The following TMC2 variants were observed in gnomAD, a reference collection of about 807,000 sequenced individuals.
TMC2 encodes the protein transmembrane channel-like protein 2.
A neutral mutation model predicts 105.9 loss-of-function variants in TMC2; 102 were observed. The ratio of observed to expected loss-of-function variants is 0.96; its 90% confidence interval spans 0.82 to 1.14. The LOEUF (loss-of-function observed/expected upper bound fraction) is 1.14, where lower values mean the gene tolerates loss of function less well. TMC2 is among the 50% of genes most tolerant of loss of function. The pLI, the probability that TMC2 is intolerant of heterozygous loss-of-function variation, is 0.00. For synonymous variants in TMC2, 402 were observed against 422.8 expected (o/e 0.95, Z 0.60); for missense variants, 1,093 against 1,134.3 (o/e 0.96, Z 0.52).
rs1301594802 is a variant in TMC2 at position 2,584,277 on chromosome 20, T to C, written c.834+4221T>C. Among the ~76,000 whole-genome samples, 6 of 150,172 alleles carry C rather than the reference T, an allele frequency of 4.0e-5. No individual in the cohort carries two copies. The East Asian group carries it at 5.8e-4, about 15-fold the overall frequency. ...GGCTAACACGGTGAAACCCCGTCTC[T>C]ACTAAAAATACAAAAAATTAGCCGG... On this transcript the variant is annotated intron_variant, in intron 7 of 19. Transcript: ENST00000358864.
chr20:2,572,338 C>G (rs11906107), intron 5 of TMC2, 69 bp downstream of exon 5: 2 of 1,248,542 alleles, frequency 1.6e-6, no homozygotes, highest in Admixed American at 3.6e-5. Context: ...CGACCAACTT[C>G]GGCAACTGCC....
intron 4 of TMC2, among the ~76,000 whole-genome samples, chr20:2,565,573 A>G (rs961278927): frequency 1.3e-5 from 2 of 152,206 alleles, no homozygotes; most frequent in Admixed American, 6.5e-5. Flanking sequence ...GACATTCGAG[A>G]ACGCAACCCC....
At chr20:2,619,723 C>A (rs574858751) in intron 16 of TMC2, among the ~76,000 whole-genome samples, 9 of 152,230 alleles carry the variant, frequency 5.9e-5, no homozygotes, top group Non-Finnish European at 1.3e-4. Flanking sequence ...TTTAGCCAGG[C>A]TGAAAGGAGA....
At chr20:2,573,908 T>A (rs2086123686) in intron 5 of TMC2, among the ~76,000 whole-genome samples, 1 of 152,240 alleles carries the variant, frequency 6.6e-6, no homozygotes, top group Admixed American at 6.5e-5. Flanking sequence ...TTCATAAAGA[T>A]GTTTTTGTTG....
chr20:2,590,747 C>T (rs552818038), intron 7 of TMC2, among the ~76,000 whole-genome samples: 2 of 151,906 alleles, frequency 1.3e-5, no homozygotes, highest in African/African-American at 4.8e-5. Context: ...GATTGTAAAC[C>T]CCCCAAAAAC....
In TMC2 at chr20:2,602,131, C is replaced by A. The variant is rs1364939198; in HGVS notation, c.1243C>A (p.Gln415Lys). 1 of 1,610,614 alleles carries A rather than the reference C, an allele frequency of 6.2e-7. No individual in the cohort carries two copies. The highest frequency in any genetic ancestry group is 8.5e-7 in the Non-Finnish European group (1 of 1,178,556). Residue 415 changes from glutamine to lysine, a missense_variant, in exon 11 of 20, where the codon CAA (glutamine) becomes AAA (lysine). Physicochemically the swap from Gln to Lys is moderately conservative, Grantham distance 53. Transcript: ENST00000358864. ...CATTAAGGAATCAATAGTGGATGAA[C>A]AAGAGAGTAACAAAGAAGAAAATAT... is the stretch of plus-strand genomic sequence containing the variant. ...TSFKESIVDE[Q>K]ESNKEENIHL...
rs2146211046 is a variant in TMC2, at chr20:2,592,699, C to T, written c.933+291C>T. Among the ~76,000 whole-genome samples the T allele has an allele frequency of 6.6e-6, 1 of 152,226 alleles. No individual in the cohort carries two copies. Among genetic ancestry groups the T allele is most frequent in the African/African-American group, 2.4e-5 (1 of 41,544 alleles). On this transcript the variant is annotated intron_variant, in intron 8 of 19. Coordinates refer to ENST00000358864, the MANE Select transcript of TMC2 (RefSeq NM_080751.3). This position sits in a 1 kb window ranked among gnomAD's most constrained non-coding sequence, Gnocchi z 4.9. ...TGATCTCACGGTATGCTTTTCTTTC[C>T]TCATTCCCACATTAAGACCCCAGAT...
chr20:2,572,753 T>TGAA (rs1443920272), intron 5 of TMC2, among the ~76,000 whole-genome samples: 1 of 152,162 alleles, frequency 6.6e-6, no homozygotes, highest in African/African-American at 2.4e-5. Context: ...TGAGACTTAC[T>TGAA]GAAGTATCCT....
At chr20:2,537,464 G>A in intron 2 of TMC2, 148 bp downstream of exon 2, 1 of 734,276 alleles carries the variant, frequency 1.4e-6, no homozygotes, top group Middle Eastern at 2.3e-4. Flanking sequence ...GGGAGGCAAG[G>A]TGTTTAACAT....
intron 16 of TMC2, among the ~76,000 whole-genome samples, chr20:2,620,595 C>T (rs2086517931): frequency 6.6e-6 from 1 of 152,144 alleles, no homozygotes; most frequent in African/African-American, 2.4e-5. Flanking sequence ...TCAGCGGAAA[C>T]ATTACCAACT....
intron 5 of TMC2, among the ~76,000 whole-genome samples, chr20:2,575,407 G>A (rs971712229): frequency 2.0e-4 from 30 of 150,960 alleles, no homozygotes; most frequent in Admixed American, 2.0e-4. Flanking sequence ...GAACAAAGTC[G>A]GAGAATGGCT....
intron 2 of TMC2, among the ~76,000 whole-genome samples, chr20:2,546,319 A>G (rs2085925908): frequency 6.6e-6 from 1 of 152,236 alleles, no homozygotes; most frequent in South Asian, 2.1e-4. Context: ...GTAGCTGGGT[A>G]CGAAACTCAT....
In TMC2 at chr20:2,635,920, T is replaced by A. The variant is rs1462981722; in HGVS notation, c.2307-6T>A. ...GGACCATAGGAGGCATGCTTTTCTCTTGCAGCTTGGCCATTTACTACCTGA... is the reference window on the plus strand; with the variant it reads ...GGACCATAGGAGGCATGCTTTTCTCATGCAGCTTGGCCATTTACTACCTGA... On this transcript the variant is annotated splice_polypyrimidine_tract_variant and splice_region_variant and intron_variant, in intron 17 of 19. Transcript: ENST00000358864. 6.2e-7 allele frequency: 1 copy of A among 1,613,536 alleles called. No homozygotes were observed. The highest frequency in any genetic ancestry group is 1.7e-5 in the Admixed American group (1 of 60,018).
intron 9 of TMC2, among the ~76,000 whole-genome samples, chr20:2,596,141 C>T (rs1228027094): frequency 1.3e-5 from 2 of 152,126 alleles, no homozygotes; most frequent in Non-Finnish European, 2.9e-5. Flanking sequence ...AGATGACAAA[C>T]CCCTCATAGT....
At chr20:2,634,462 T>C (rs7270022) in intron 17 of TMC2, among the ~76,000 whole-genome samples, 18,038 of 152,306 alleles carry the variant, frequency 0.12, 1,225 homozygotes, top group Middle Eastern at 0.17. Context: ...TGTTGTTTTA[T>C]ATCCTTGATT....
chr20:2,635,853 C>A lies in TMC2; in HGVS notation c.2307-73C>A. 3 of 1,263,498 alleles carry A rather than the reference C, an allele frequency of 2.4e-6. No homozygotes were observed. In the South Asian group the frequency reaches 3.6e-5, roughly 15 times the overall value. The allele number at this position is 1,263,498 out of a possible 1,614,324, so 78.3% of individuals were successfully genotyped here. ...TATTCCAGGAATCCTGCCCTGATTC[C>A]CCAAGAAAGGCGCCCAGCTCCTATC... On this transcript the variant is annotated intron_variant, in intron 17 of 19. Transcript: ENST00000358864.
chr20:2,570,797 C>T (rs2086097751), intron 4 of TMC2, among the ~76,000 whole-genome samples: 2 of 152,142 alleles, frequency 1.3e-5, no homozygotes, highest in Admixed American at 1.3e-4. Flanking sequence ...GGTACAAAAA[C>T]AGACACATAG....
intron 2 of TMC2, among the ~76,000 whole-genome samples, chr20:2,556,301 G>A (rs1257265634): frequency 9.9e-5 from 15 of 152,050 alleles, no homozygotes; most frequent in Non-Finnish European, 2.9e-5. Context: ...GGCTGGTCTC[G>A]AACTCCTGAC....
chr20:2,558,162 G>C lies in TMC2; in HGVS notation c.83-294G>C, dbSNP rs2085995999. On this transcript the variant is annotated intron_variant, in intron 2 of 19. Coordinates refer to ENST00000358864, the MANE Select transcript of TMC2 (RefSeq NM_080751.3). The surrounding 1 kb of genome is among the most constrained non-coding windows in gnomAD (Gnocchi z 4.6). ...TTCCGATTCCTCTTGGCCTCTCTGT[G>C]TGACTTTCCTTTCCTTGGGTATAGG... 2.0e-6 allele frequency: 1 copy of C among 488,212 alleles called. No homozygotes were observed. The highest frequency in any genetic ancestry group is 2.0e-5 in the African/African-American group (1 of 50,642). 30.2% of individuals were successfully genotyped at this position (488,212 alleles called of 1,614,324 possible). A position where few individuals can be genotyped will look rare whatever the true frequency, so the allele number is the denominator to read the frequency against.
Sources: allele counts gnomAD v4.1 joint callset (sites outside exome capture counted in the v4.1 genomes callset), GRCh38; gene constraint gnomAD v4.1.1; non-coding constraint Gnocchi (gnomAD v3.1); transcripts MANE v1.5; gene names NCBI Gene and HGNC (gene_info 2026-07-23, HGNC 2026-07-21).